The following PASK variants were observed in gnomAD, a reference collection of about 807,000 sequenced individuals.
PASK encodes PAS domain-containing serine/threonine-protein kinase.
PASK carries 110 observed loss-of-function variants against 121.0 expected under a neutral mutation model. That is an observed-to-expected ratio of 0.91 (90% CI 0.78 to 1.06). PASK has a LOEUF of 1.06. Among genes scored for constraint, PASK ranks in the 50% least tolerant of loss-of-function variants. PASK has a pLI of 0.00. For synonymous variants in PASK, 686 were observed against 717.8 expected, an observed-to-expected ratio of 0.96 and a Z score of 0.71; for missense variants, 1,643 against 1,702.3, an observed-to-expected ratio of 0.97 and a Z score of 0.61.
Position 241,126,687 on chromosome 2 carries a change from A to C in PASK, c.2228T>G (p.Leu743Arg). ...CTGGTCACTGAAAAAGAGTTCCTTG[A>C]GGTTCCAGGAAAACGAATTCACATC... ...EVDVNSFSWN[L>R]KELFFSDQTD... Residue 743 changes from leucine (L) to arginine (R), a missense_variant, in exon 10 of 18, where the codon CTC (leucine) becomes CGC (arginine). Leu to Arg is a moderately radical substitution (Grantham distance 102, BLOSUM62 -2). Coordinates refer to ENST00000234040, the MANE Select transcript of PASK (RefSeq NM_015148.4). 2.5e-6 allele frequency: 4 copies of C among 1,614,220 alleles called. No homozygotes were observed. Among genetic ancestry groups the C allele is most frequent in the Non-Finnish European group, 3.4e-6 (4 of 1,180,036 alleles).
chr2:241,122,998 G>A lies in PASK; in HGVS notation c.2905-99C>T, dbSNP rs931114374. 6 of 1,189,338 alleles carry A rather than the reference G, an allele frequency of 5.0e-6. No individual in the cohort carries two copies. The South Asian group carries it at 5.7e-5, about 11-fold the overall frequency. 73.7% of individuals were successfully genotyped at this position (1,189,338 alleles called of 1,614,324 possible). ...CCCTGCGTCTTCAGCAGCCGCCCGAGGCAGGTGTGCCCTGCACTCCAGTCC... is the reference window on the plus strand; with the variant it reads ...CCCTGCGTCTTCAGCAGCCGCCCGAAGCAGGTGTGCCCTGCACTCCAGTCC... On this transcript the variant is annotated intron_variant, in intron 11 of 17. Coordinates refer to ENST00000234040, the MANE Select transcript of PASK (RefSeq NM_015148.4).
Position 241,115,281 on chromosome 2 carries a change from C to A in PASK, c.3198+7G>T, listed in dbSNP as rs1165311522. ...AGTTAGGGTATCTCTGAAGAGGAAA[C>A]CATCACCTTGATGATATTGGCGTGC... On this transcript the variant is annotated splice_region_variant and intron_variant, in intron 13 of 17. Transcript: ENST00000234040. The A allele has an allele frequency of 6.2e-7, 1 of 1,614,018 alleles. No homozygotes were observed. Among genetic ancestry groups the A allele is most frequent in the Admixed American group, 1.7e-5 (1 of 60,016 alleles).
At chr2:241,135,799 CTG>C (rs2066390603) in intron 8 of PASK, 70 bp downstream of exon 8, 1 of 1,430,624 alleles carries the variant, frequency 7.0e-7, no homozygotes, top group Non-Finnish European at 9.8e-7. Flanking sequence ...CCTCCCAGCC[CTG>C]TCTCAGAGGC....
intron 10 of PASK, among the ~76,000 whole-genome samples, chr2:241,124,478 G>T (rs936419222): frequency 6.6e-6 from 1 of 152,206 alleles, no homozygotes; most frequent in East Asian, 1.9e-4. Context: ...CAGAATAGCC[G>T]GGAGAACCTG....
chr2:241,133,707 GCA>G (rs2125442094), intron 8 of PASK: 1 of 157,240 alleles, frequency 6.4e-6, no homozygotes, highest in Admixed American at 6.1e-5. Context: ...GGGAGGCCAC[GCA>G]CAGTGGCTCA....
At chr2:241,125,754 GGAA>G (rs2065829022) in intron 10 of PASK, among the ~76,000 whole-genome samples, 2 of 152,142 alleles carry the variant, frequency 1.3e-5, no homozygotes, top group South Asian at 2.1e-4. Flanking sequence ...CCAAAAGCAC[GGAA>G]GAAGAACACG....
chr2:241,127,340 G>A lies in PASK; in HGVS notation c.1575C>T (p.Pro525=), dbSNP rs377569986. ...TGCTTTCTCCCAGAAGATCCTGTCC[G>A]GGGCTCTCTATTGCCACAGGTTCCT... The part of the protein sequence containing the change: ...GREEPVAIES[P]GQDLLGESRS... Residue 525 remains proline (P), a synonymous_variant, in exon 10 of 18, where the codon CCC becomes CCT. Transcript: ENST00000234040. 1.7e-5 allele frequency: 27 copies of A among 1,614,154 alleles called. No homozygotes were observed. The highest frequency in any genetic ancestry group is 3.3e-5 in the South Asian group (3 of 91,088).
intron 12 of PASK, chr2:241,118,640 C>T (rs1202886516): frequency 5.8e-6 from 1 of 171,932 alleles, no homozygotes; most frequent in South Asian, 2.0e-4. Context: ...CAGAGTCTTC[C>T]TAGATATAAC....
chr2:241,116,431 G>A (rs2065372925), intron 12 of PASK, among the ~76,000 whole-genome samples: 1 of 152,354 alleles, frequency 6.6e-6, no homozygotes, highest in African/African-American at 2.4e-5. Context: ...GGGCTGGAGA[G>A]AGGGCCCCAG....
intron 1 of PASK, among the ~76,000 whole-genome samples, chr2:241,147,444 C>A (rs1041882228): frequency 1.3e-5 from 2 of 151,876 alleles, no homozygotes; most frequent in Admixed American, 6.6e-5. Flanking sequence ...ATAGGGAGAC[C>A]CCATCTCTAC....
At chr2:241,123,159 G>A (rs1232594331) in intron 11 of PASK, among the ~76,000 whole-genome samples, 2 of 150,306 alleles carry the variant, frequency 1.3e-5, no homozygotes, top group Non-Finnish European at 3.0e-5. Flanking sequence ...GGCCTAGGCA[G>A]ATTTAAAGTG....
chr2:241,107,426 T>C lies in PASK; in HGVS notation c.3741A>G (p.Thr1247=), dbSNP rs2064935003. The change falls in exon 17 of 18, where the codon ACA becomes ACG. Residue 1247 remains threonine (T), a synonymous_variant. Coordinates refer to ENST00000234040, the MANE Select transcript of PASK (RefSeq NM_015148.4). ...ERRTTLEKLV[T]DPWVTQPVNL... ...TCACAGGCTGTGTTACCCACGGGTC[T>C]GTCACCAGCTTCTCCAAGGTGGTGC... 1 of 1,613,918 alleles carries C rather than the reference T, an allele frequency of 6.2e-7. No homozygotes were observed.
In PASK at chr2:241,137,937, A is replaced by G; in HGVS notation, c.876+16T>C. On this transcript the variant is annotated intron_variant, in intron 6 of 17. Coordinates refer to ENST00000234040, the MANE Select transcript of PASK (RefSeq NM_015148.4). ...ACTCCACCCCATCACACAGTGCGGG[A>G]GGTCAGGAGCCCTACCTTTGGGATG... The G allele has an allele frequency of 1.2e-6, 2 of 1,613,836 alleles. No individual in the cohort carries two copies. Among genetic ancestry groups the G allele is most frequent in the South Asian group, 1.1e-5 (1 of 91,068 alleles).
intron 17 of PASK, among the ~76,000 whole-genome samples, chr2:241,106,991 A>G (rs1461943894): frequency 6.6e-6 from 1 of 152,202 alleles, no homozygotes; most frequent in Admixed American, 6.5e-5. Context: ...GCCGGCTGCT[A>G]GAGAATCACT....
chr2:241,120,692 T>C (rs1559367259), intron 12 of PASK, among the ~76,000 whole-genome samples: 1 of 152,204 alleles, frequency 6.6e-6, no homozygotes, highest in Non-Finnish European at 1.5e-5. Context: ...GACAAGGATA[T>C]GTAGACCAGG....
chr2:241,117,123 C>T (rs896803903), intron 12 of PASK, among the ~76,000 whole-genome samples: 2 of 151,816 alleles, frequency 1.3e-5, no homozygotes, highest in African/African-American at 2.4e-5. Context: ...GGGAGGGCAT[C>T]GGGGCCAGGG....
intron 10 of PASK, among the ~76,000 whole-genome samples, chr2:241,124,358 G>A (rs894832373): frequency 6.6e-6 from 1 of 152,160 alleles, no homozygotes; most frequent in Non-Finnish European, 1.5e-5. Flanking sequence ...AAGACCCCTG[G>A]GGCATAGCCT....
At chr2:241,133,104 AACTC>A in intron 8 of PASK, 74 bp from the exon 9 acceptor site, 2 of 1,441,278 alleles carry the variant, frequency 1.4e-6, no homozygotes, top group Non-Finnish European at 1.9e-6. Context: ...ATTCGCCTGG[AACTC>A]ACTGAGACTG....
At position 241,122,868 on chromosome 2, in the gene PASK, G is replaced by A; in HGVS notation, c.2936C>T (p.Pro979Leu). The A allele has an allele frequency of 6.2e-7, 1 of 1,614,034 alleles. No individual in the cohort carries two copies. Among genetic ancestry groups the A allele is most frequent in the Non-Finnish European group, 8.5e-7 (1 of 1,179,934 alleles). The change falls in exon 12 of 18, where the codon CCC becomes CTC. Residue 979 changes from proline (P) to leucine (L), a missense_variant. Coordinates refer to ENST00000234040, the MANE Select transcript of PASK (RefSeq NM_015148.4). ...VLRARPWFEE[P>L]PKAVELEGLA... is the part of the protein sequence containing the mutation. ...CCCCTCCAGTTCCACAGCCTTGGGG[G>A]GCTCCTCAAACCAGGGTCTGGCTCT...
Sources: gnomAD v4.1 joint callset for allele counts (sites outside exome capture counted in the v4.1 genomes callset) on GRCh38, gnomAD v4.1.1 for gene constraint, MANE v1.5 for transcripts, NCBI Gene and HGNC (gene_info 2026-07-23, HGNC 2026-07-21) for gene names.